The following PIWIL3 variants were observed in gnomAD, a reference collection of about 807,000 sequenced individuals.
PIWIL3 encodes piwi like RNA-mediated gene silencing 3.
A neutral mutation model predicts 109.7 loss-of-function variants in PIWIL3; 101 were observed. The observed-to-expected ratio is 0.92, with a 90% CI of 0.78 to 1.09. The LOEUF is 1.09. PIWIL3 is among the 50% of genes least tolerant of loss of function. The probability of loss-of-function intolerance (pLI) is 0.00; values close to 1 mark genes in which losing one functional copy is unlikely to be tolerated. For missense variants in PIWIL3, 1,031 were observed against 1,072.6 expected, an observed-to-expected ratio of 0.96 and a Z score of 0.54; for synonymous variants, 373 against 376.4, an observed-to-expected ratio of 0.99 and a Z score of 0.10.
In PIWIL3 at chr22:24,719,362, T is replaced by C; in HGVS notation, c.*110A>G. 1.2e-6 allele frequency: 1 copy of C among 815,038 alleles called. No homozygotes were observed. The highest frequency in any genetic ancestry group is 2.7e-5 in the East Asian group (1 of 37,724). 50.5% of individuals were successfully genotyped at this position (815,038 alleles called of 1,614,324 possible). A position where few individuals can be genotyped will look rare whatever the true frequency, so the allele number is the denominator to read the frequency against. ...CTCTCCTGTGTCCAATCAAAAACGA[T>C]GAGAATTTAATGCTATGGACCTAGG... On this transcript the variant is annotated 3_prime_UTR_variant, in exon 21 of 21. Transcript: ENST00000616349.
chr22:24,732,327 A>G (rs926232463), intron 14 of PIWIL3, among the ~76,000 whole-genome samples: 1 of 152,160 alleles, frequency 6.6e-6, no homozygotes. Context: ...TATATGGATC[A>G]TTTCCATCCA....
chr22:24,736,733 C>A (rs972386249), intron 12 of PIWIL3, among the ~76,000 whole-genome samples: 1 of 152,236 alleles, frequency 6.6e-6, no homozygotes, highest in African/African-American at 2.4e-5. Context: ...TCTCCCACCC[C>A]TGCATGGTGC....
At chr22:24,731,814 A>C (rs928186479) in intron 14 of PIWIL3, among the ~76,000 whole-genome samples, 2 of 152,160 alleles carry the variant, frequency 1.3e-5, no homozygotes, top group African/African-American at 4.8e-5. Flanking sequence ...ACAGAAATAA[A>C]AACTCTCTTC....
intron 12 of PIWIL3, among the ~76,000 whole-genome samples, chr22:24,743,005 G>T (rs1179096437): frequency 6.6e-6 from 1 of 152,122 alleles, no homozygotes; most frequent in Non-Finnish European, 1.5e-5. Context: ...ATGAAGGACT[G>T]ATATCCAGAA....
Position 24,757,920 on chromosome 22 carries a change from C to T in PIWIL3, c.343G>A (p.Asp115Asn), listed in dbSNP as rs1161706547. Residue 115 changes from aspartate to asparagine, a missense_variant, in exon 4 of 21, where the codon GAC becomes AAC. Coordinates refer to ENST00000616349, the MANE Select transcript of PIWIL3 (RefSeq NM_001255975.1). ...TAGACCAACATACCTGTTTTTGAGTCTTTAACATGCTTCATATCTTGCCTG... is the reference window on the plus strand; with the variant it reads ...TAGACCAACATACCTGTTTTTGAGTTTTTAACATGCTTCATATCTTGCCTG... ...NTRQDMKHVK[D>N]SKTGSEGTVV... 1.2e-6 allele frequency: 2 copies of T among 1,608,760 alleles called. No individual in the cohort carries two copies. The highest frequency in any genetic ancestry group is 2.7e-5 in the African/African-American group (2 of 74,324).
intron 4 of PIWIL3, 87 bp from the exon 5 acceptor site, chr22:24,756,792 AG>A: frequency 1.6e-6 from 2 of 1,229,652 alleles, no homozygotes; most frequent in Admixed American, 4.3e-5. Context: ...TAAAAGCCAA[AG>A]TTAGGGCTGG....
intron 16 of PIWIL3, among the ~76,000 whole-genome samples, chr22:24,727,066 A>G (rs1342268351): frequency 6.6e-6 from 1 of 152,216 alleles, no homozygotes; most frequent in Non-Finnish European, 1.5e-5. Context: ...ATAGGAAGAC[A>G]AGATCCTATA....
rs573267796 is a variant in PIWIL3 at position 24,725,073 on chromosome 22, C to T, written c.2081-36G>A. 3.1e-6 allele frequency: 5 copies of T among 1,610,948 alleles called. 1 individual carries two copies. The African/African-American group carries it at 6.7e-5, about 21-fold the overall frequency. On this transcript the variant is annotated intron_variant, in intron 17 of 20. Coordinates refer to ENST00000616349, the MANE Select transcript of PIWIL3 (RefSeq NM_001255975.1). ...ATCAGAAAAAGTAAATAAACCGTTA[C>T]TTGGAACAAACTAGCCTTTGCTGCT...
At chr22:24,724,112 T>C (rs1003659572) in intron 18 of PIWIL3, among the ~76,000 whole-genome samples, 4 of 152,212 alleles carry the variant, frequency 2.6e-5, no homozygotes, top group African/African-American at 9.6e-5. Flanking sequence ...CTTTGCATTC[T>C]GACTTGCGTG....
At chr22:24,761,460 A>T (rs565245066) in intron 2 of PIWIL3, among the ~76,000 whole-genome samples, 2 of 152,320 alleles carry the variant, frequency 1.3e-5, no homozygotes, top group Non-Finnish European at 2.9e-5. Context: ...TGAATCTGGC[A>T]GAGTGGAAGG....
chr22:24,720,259 G>GTTTTT lies in PIWIL3; in HGVS notation c.2358-369_2358-365dup, dbSNP rs56087060. 8.7e-4 allele frequency among the ~76,000 whole-genome samples: 92 copies of GTTTTT among 105,492 alleles called. 8 individuals are homozygous for GTTTTT. Among genetic ancestry groups the GTTTTT allele is most frequent in the African/African-American group, 2.7e-3 (79 of 28,926 alleles). 69.2% of individuals were successfully genotyped at this position (105,492 alleles called of 152,430 possible). Reference sequence around the variant, plus strand: ...AGAATCACTGGACTATATTTAAACTGTTTTTTTTTTTTTTTTTTTTTTTTT... The same window carrying GTTTTT: ...AGAATCACTGGACTATATTTAAACTGTTTTTTTTTTTTTTTTTTTTTTTTTTTTTT... On this transcript the variant is annotated intron_variant, in intron 19 of 20. Coordinates refer to ENST00000616349, the MANE Select transcript of PIWIL3 (RefSeq NM_001255975.1).
intron 9 of PIWIL3, 72 bp from the exon 10 acceptor site, chr22:24,749,891 GT>G (rs1180821244): frequency 6.2e-7 from 1 of 1,607,872 alleles, no homozygotes; most frequent in East Asian, 2.2e-5. Context: ...AGGTTCAAAA[GT>G]GCATGTGTGG....
intron 12 of PIWIL3, among the ~76,000 whole-genome samples, chr22:24,739,992 A>G (rs1189817254): frequency 6.9e-6 from 1 of 143,942 alleles, no homozygotes; most frequent in Non-Finnish European, 1.5e-5. Flanking sequence ...TGGAGCTTGC[A>G]CTGAGCCAAG....
chr22:24,761,946 AG>A, intron 2 of PIWIL3: 2 of 986,672 alleles, frequency 2.0e-6, no homozygotes, highest in Non-Finnish European at 2.4e-6. Flanking sequence ...GGGGCCCCGC[AG>A]CGCCACTATG....
At chr22:24,761,793 C>T (rs1039297181) in intron 2 of PIWIL3, 7 of 259,352 alleles carry the variant, frequency 2.7e-5, no homozygotes, top group African/African-American at 1.4e-4. Flanking sequence ...TGTTGAAAAC[C>T]GAGAATTAGG....
At chr22:24,765,091 A>G (rs999977298) in intron 1 of PIWIL3, among the ~76,000 whole-genome samples, 7 of 152,074 alleles carry the variant, frequency 4.6e-5, no homozygotes, top group Non-Finnish European at 5.9e-5. Flanking sequence ...TAGCTGTATG[A>G]TTTGTTTTGA....
chr22:24,749,702 G>T lies in PIWIL3; in HGVS notation c.1207C>A (p.His403Asn). 2.5e-6 allele frequency: 4 copies of T among 1,613,772 alleles called. No individual in the cohort carries two copies. ...TGTAATCCATCAGTACCTGTCATGT[G>T]GCACAGCTGAGGAATCAGCAGGATA... ...EPILLIPQLC[H>N]MTGLTDEICK... Residue 403 changes from histidine to asparagine, a missense_variant, in exon 10 of 21, where the codon CAC becomes AAC. By Grantham distance (68) the His-to-Asn change is moderately conservative. Coordinates refer to ENST00000616349, the MANE Select transcript of PIWIL3 (RefSeq NM_001255975.1).
chr22:24,753,952 C>A (rs1246780936), intron 8 of PIWIL3, 62 bp downstream of exon 8: 20 of 1,410,400 alleles, frequency 1.4e-5, no homozygotes, highest in Non-Finnish European at 1.9e-5. Flanking sequence ...ATAGGACCAT[C>A]TCTTGGGGTG....
At chr22:24,740,218 C>CAAAAAAAAAAAAAAA (rs71189272) in intron 12 of PIWIL3, among the ~76,000 whole-genome samples, 18 of 63,872 alleles carry the variant, frequency 2.8e-4, no homozygotes, top group South Asian at 6.9e-4. Flanking sequence ...GAGACTGTCT[C>CAAAAAAAAAAAAAAA]AAAAAAAAAA....
Sources: gnomAD v4.1 joint callset for allele counts (sites outside exome capture counted in the v4.1 genomes callset) on GRCh38, gnomAD v4.1.1 for gene constraint, MANE v1.5 for transcripts, NCBI Gene and HGNC (gene_info 2026-07-23, HGNC 2026-07-21) for gene names.